ADAM2: variants seen among roughly 807,000 people sequenced by gnomAD.
The protein encoded by ADAM2 is ADAM metallopeptidase domain 2.
ADAM2 carries 101 observed loss-of-function variants against 99.3 expected under a neutral mutation model. The observed-to-expected ratio is 1.02, with a 90% CI of 0.87 to 1.20. The LOEUF is 1.20. ADAM2 is among the 50% of genes most tolerant of loss of function. The pLI is 0.00. For synonymous variants in ADAM2, 323 were observed against 287.6 expected (o/e 1.12, Z -1.25); for missense variants, 948 against 878.7 (o/e 1.08, Z -1.00).
At chr8:39,781,871 A>T (rs948821531) in intron 10 of ADAM2, among the ~76,000 whole-genome samples, 2 of 152,190 alleles carry the variant, frequency 1.3e-5, no homozygotes, top group African/African-American at 4.8e-5. Context: ...GGAAGGACAT[A>T]CAAAAACACC....
intron 12 of ADAM2, among the ~76,000 whole-genome samples, chr8:39,768,152 C>A (rs560210570): frequency 3.9e-5 from 6 of 152,000 alleles, no homozygotes; most frequent in South Asian, 4.2e-4. Context: ...GTGGTTTAAG[C>A]CTCAATTATA....
In ADAM2 at chr8:39,786,993, T is replaced by G; in HGVS notation, c.872A>C (p.Tyr291Ser). ...CCATACCAGAACAACACCTCCTGCATAGTTTGCATCACACATCTTCCCTTG... is the reference window on the plus strand; with the variant it reads ...CCATACCAGAACAACACCTCCTGCAGAGTTTGCATCACACATCTTCCCTTG... ...TFQGKMCDAN[Y>S]AGGVVLHPRT... The change falls in exon 10 of 21, where the codon TAT (tyrosine) becomes TCT (serine). Residue 291 changes from tyrosine (Y) to serine (S), a missense_variant. Transcript: ENST00000265708. 2 of 1,592,412 alleles carry G rather than the reference T, an allele frequency of 1.3e-6. No individual in the cohort carries two copies. Among genetic ancestry groups the G allele is most frequent in the Non-Finnish European group, 1.7e-6 (2 of 1,169,310 alleles).
intron 6 of ADAM2, among the ~76,000 whole-genome samples, chr8:39,815,485 T>C (rs1804906403): frequency 6.6e-6 from 1 of 152,112 alleles, no homozygotes; most frequent in South Asian, 2.1e-4. Flanking sequence ...TAAAATGAGA[T>C]AGAATAGGAA....
intron 15 of ADAM2, among the ~76,000 whole-genome samples, chr8:39,760,563 C>T (rs769901307): frequency 2.6e-5 from 4 of 151,714 alleles, no homozygotes; most frequent in Non-Finnish European, 5.9e-5. Flanking sequence ...CTACTGAAAA[C>T]ACAAAAAATT....
chr8:39,798,211 C>A (rs563686635), intron 7 of ADAM2, among the ~76,000 whole-genome samples: 1 of 152,114 alleles, frequency 6.6e-6, no homozygotes, highest in African/African-American at 2.4e-5. Context: ...GAGATATATT[C>A]CATCAATACC....
At chr8:39,803,204 A>C (rs989122165) in intron 7 of ADAM2, among the ~76,000 whole-genome samples, 1 of 152,108 alleles carries the variant, frequency 6.6e-6, no homozygotes, top group Non-Finnish European at 1.5e-5. Flanking sequence ...TTTTGATCAA[A>C]CCGCTCGGTA....
rs142910660 is a variant in ADAM2 at position 39,832,942 on chromosome 8, T to G, written c.188+1002A>C. Among the ~76,000 whole-genome samples the G allele has an allele frequency of 2.2e-4, 33 of 152,284 alleles. 2 individuals carry two copies. Among genetic ancestry groups the G allele is most frequent in the African/African-American group, 7.7e-4 (32 of 41,566 alleles). ...AGAAAAAAGCTTAAGAAATCTACTG[T>G]TATGCTTACATTTTAATTCAGATAT... On this transcript the variant is annotated intron_variant, in intron 3 of 20. Transcript: ENST00000265708.
At chr8:39,825,340 GC>G (rs1333216738) in intron 3 of ADAM2, among the ~76,000 whole-genome samples, 1 of 152,020 alleles carries the variant, frequency 6.6e-6, no homozygotes, top group African/African-American at 2.4e-5. Context: ...TTTTGCCCAA[GC>G]ATATATTACC....
At chr8:39,816,724 A>C (rs1804956231) in intron 6 of ADAM2, among the ~76,000 whole-genome samples, 1 of 152,232 alleles carries the variant, frequency 6.6e-6, no homozygotes, top group Non-Finnish European at 1.5e-5. Context: ...TTGAAAAGGC[A>C]AGTCTATATC....
At chr8:39,753,693 G>T (rs1203374309) in intron 16 of ADAM2, among the ~76,000 whole-genome samples, 1 of 152,162 alleles carries the variant, frequency 6.6e-6, no homozygotes, top group African/African-American at 2.4e-5. Context: ...ATGGCTAAAA[G>T]GGTCCAAGGT....
At chr8:39,813,215 A>G (rs1804777143) in intron 6 of ADAM2, among the ~76,000 whole-genome samples, 1 of 152,224 alleles carries the variant, frequency 6.6e-6, no homozygotes, top group Non-Finnish European at 1.5e-5. Flanking sequence ...CAAAACTACA[A>G]TGAGATACCA....
intron 10 of ADAM2, among the ~76,000 whole-genome samples, chr8:39,777,592 T>C (rs1803043526): frequency 1.3e-5 from 2 of 151,952 alleles, no homozygotes; most frequent in South Asian, 2.1e-4. Context: ...AGAAACACAA[T>C]TAAATAGAAT....
intron 2 of ADAM2, among the ~76,000 whole-genome samples, chr8:39,834,729 C>A (rs1805750987): frequency 2.5e-5 from 1 of 40,250 alleles, no homozygotes; most frequent in Non-Finnish European, 4.7e-5. Context: ...GGCAAGACTC[C>A]ATCAAAAAAA....
At position 39,808,991 on chromosome 8, in the gene ADAM2, T is replaced by C. The variant is rs981032453; in HGVS notation, c.570+419A>G. ...ATTTTACCCAAGTTTACAATATTTA[T>C]CATTAAAATACTTAATCACCACCTT... On this transcript the variant is annotated intron_variant, in intron 7 of 20. Transcript: ENST00000265708. 3.3e-5 allele frequency among the ~76,000 whole-genome samples: 5 copies of C among 152,158 alleles called. No individual in the cohort carries two copies. In the East Asian group the frequency reaches 5.8e-4, roughly 18 times the overall value.
chr8:39,749,420 T>C lies in ADAM2; in HGVS notation c.1906A>G (p.Ser636Gly), dbSNP rs778624544. Residue 636 changes from serine (S) to glycine (G), a missense_variant, in exon 18 of 21, where the codon AGT becomes GGT. Ser to Gly is a moderately conservative substitution (Grantham distance 56). Transcript: ENST00000265708. ...CAATCTGGAGGTAAATATGAAGCAC[T>C]ACAGTGACAGTGCTTTTTGTTATTG... ...VCNNKKHCHC[S>G]ASYLPPDCSV... 6 of 1,613,364 alleles carry C rather than the reference T, an allele frequency of 3.7e-6. No homozygotes were observed. The highest frequency in any genetic ancestry group is 5.1e-6 in the Non-Finnish European group (6 of 1,179,486).
intron 3 of ADAM2, among the ~76,000 whole-genome samples, chr8:39,831,697 G>A (rs907673541): frequency 6.6e-6 from 1 of 152,112 alleles, no homozygotes; most frequent in Admixed American, 6.5e-5. Context: ...TATTCTTGAA[G>A]AGTAGATTAG....
intron 15 of ADAM2, 56 bp from the exon 16 acceptor site, chr8:39,755,967 T>A: frequency 1.0e-6 from 1 of 978,418 alleles, no homozygotes; most frequent in Non-Finnish European, 1.5e-6. Context: ...AGTACAAGAA[T>A]ATAATTTTTA....
At chr8:39,824,551 C>T (rs1268222667) in intron 4 of ADAM2, among the ~76,000 whole-genome samples, 1 of 152,140 alleles carries the variant, frequency 6.6e-6, no homozygotes, top group Non-Finnish European at 1.5e-5. Flanking sequence ...ACATATTTCA[C>T]AACATATTTA....
intron 12 of ADAM2, 64 bp downstream of exon 12, chr8:39,769,328 C>A: frequency 1.5e-6 from 2 of 1,302,704 alleles, no homozygotes. Context: ...GGCAGTTTCT[C>A]ACTCGAATTA....
Sources: gnomAD v4.1 joint callset for allele counts (sites outside exome capture counted in the v4.1 genomes callset) on GRCh38, gnomAD v4.1.1 for gene constraint, MANE v1.5 for transcripts, NCBI Gene and HGNC (gene_info 2026-07-23, HGNC 2026-07-21) for gene names.